The following KCNIP4 variants were observed in gnomAD, a reference collection of about 807,000 sequenced individuals.
The protein encoded by KCNIP4 is potassium voltage-gated channel interacting protein 4.
KCNIP4 carries 12 observed loss-of-function variants against 34.0 expected under a neutral mutation model. The observed-to-expected ratio is 0.35, with a 90% CI of 0.23 to 0.57. The LOEUF (loss-of-function observed/expected upper bound fraction) is 0.57. KCNIP4 is among the 20% of genes least tolerant of loss of function. The pLI is 0.83. For missense variants in KCNIP4, 238 were observed against 311.7 expected (o/e 0.76, Z 1.78); for synonymous variants, 124 against 102.2 (o/e 1.21, Z -1.29).
intron 1 of KCNIP4, among the ~76,000 whole-genome samples, chr4:21,144,379 G>T (rs566968872): frequency 6.6e-6 from 1 of 152,244 alleles, no homozygotes; most frequent in South Asian, 2.1e-4. Context: ...TACATTCAGA[G>T]ATTTCTAAAA....
At chr4:21,780,960 C>T (rs35161937) in intron 1 of KCNIP4, among the ~76,000 whole-genome samples, 13,940 of 152,172 alleles carry the variant, frequency 0.092, 670 homozygotes, top group Middle Eastern at 0.17. Context: ...GGGATCTCTT[C>T]CTCTGTGTTT....
intron 1 of KCNIP4, among the ~76,000 whole-genome samples, chr4:21,282,302 A>G (rs1290731499): frequency 1.3e-5 from 2 of 152,236 alleles, no homozygotes; most frequent in Non-Finnish European, 2.9e-5. Context: ...CTACCAAACT[A>G]TAAGTAGATA....
At chr4:20,784,171 C>A (rs575542808) in intron 3 of KCNIP4, among the ~76,000 whole-genome samples, 55 of 152,164 alleles carry the variant, frequency 3.6e-4, no homozygotes, top group Non-Finnish European at 6.5e-4. Context: ...TTTCTAATTC[C>A]TATCTAGCTT....
At chr4:21,688,329 A>G (rs1750968872) in intron 1 of KCNIP4, among the ~76,000 whole-genome samples, 1 of 152,156 alleles carries the variant, frequency 6.6e-6, no homozygotes, top group Non-Finnish European at 1.5e-5. Flanking sequence ...GGAATGCTGA[A>G]CCAGTATATA....
chr4:21,084,541 G>C (rs909565323), intron 1 of KCNIP4, among the ~76,000 whole-genome samples: 2 of 147,862 alleles, frequency 1.4e-5, no homozygotes, highest in Admixed American at 6.9e-5. Flanking sequence ...TTTACACCCA[G>C]AGTGCCAATC....
intron 1 of KCNIP4, among the ~76,000 whole-genome samples, chr4:21,152,002 T>A (rs922238047): frequency 2.6e-5 from 4 of 152,148 alleles, no homozygotes; most frequent in Non-Finnish European, 5.9e-5. Context: ...CCTATAATCC[T>A]AGCAGTTTTG....
At chr4:21,853,927 C>A (rs1724585421) in intron 1 of KCNIP4, among the ~76,000 whole-genome samples, 1 of 152,150 alleles carries the variant, frequency 6.6e-6, no homozygotes. Flanking sequence ...CTAATGTTGT[C>A]ATTAAGTGCT....
intron 1 of KCNIP4, among the ~76,000 whole-genome samples, chr4:21,699,774 GGATTTA>G (rs2109060728): frequency 6.6e-6 from 1 of 152,186 alleles, no homozygotes; most frequent in Admixed American, 6.5e-5. Context: ...CTGGGGTAAG[GGATTTA>G]GATTTCAGTC....
chr4:20,935,916 T>A (rs1415365861), intron 1 of KCNIP4, among the ~76,000 whole-genome samples: 1 of 151,508 alleles, frequency 6.6e-6, no homozygotes, highest in African/African-American at 2.4e-5. Flanking sequence ...TTCATGAGCA[T>A]CAACAATGTA....
rs377716207 is a variant in KCNIP4, at chr4:21,618,672, G to A, written c.61+329899C>T. ...TTTTGAGAGAGAGTCTCGCTCAGTC[G>A]CCCGGGCTGGAGTGCAGTGGCGTGA... On this transcript the variant is annotated intron_variant, in intron 1 of 8. Transcript: ENST00000382152. Among the ~76,000 whole-genome samples the A allele has an allele frequency of 7.6e-5, 9 of 118,990 alleles. No homozygotes were observed. The East Asian group carries it at 1.3e-3, about 17-fold the overall frequency. 78.1% of individuals were successfully genotyped at this position (118,990 alleles called of 152,430 possible).
intron 1 of KCNIP4, among the ~76,000 whole-genome samples, chr4:21,080,715 ATTTAC>A (rs150960890): frequency 0.23 from 35,295 of 151,484 alleles, 4,261 homozygotes; most frequent in Middle Eastern, 0.32. Context: ...CATTTTATAT[ATTTAC>A]TTTATTTATT....
chr4:20,780,264 A>G (rs2149390825), intron 3 of KCNIP4, among the ~76,000 whole-genome samples: 1 of 152,282 alleles, frequency 6.6e-6, no homozygotes, highest in East Asian at 1.9e-4. Flanking sequence ...GATGTCAGGA[A>G]TTAAGTAGTT....
rs532033248 is a variant in KCNIP4 at position 20,948,901 on chromosome 4, G to A, written c.62-66192C>T. 2.6e-5 allele frequency among the ~76,000 whole-genome samples: 4 copies of A among 152,198 alleles called. No individual in the cohort carries two copies. In the East Asian group the frequency reaches 7.7e-4, roughly 29 times the overall value. On this transcript the variant is annotated intron_variant, in intron 1 of 8. Coordinates refer to ENST00000382152, the MANE Select transcript of KCNIP4 (RefSeq NM_025221.6). ...AATTGGTTCCTTTTTCTCACAAGAAGGAACTTATGGGCCTTTACAGAATAC... is the reference window on the plus strand; with the variant it reads ...AATTGGTTCCTTTTTCTCACAAGAAAGAACTTATGGGCCTTTACAGAATAC...
At chr4:21,463,347 T>C (rs1184657723) in intron 1 of KCNIP4, among the ~76,000 whole-genome samples, 2 of 152,088 alleles carry the variant, frequency 1.3e-5, no homozygotes, top group African/African-American at 4.8e-5. Flanking sequence ...GTCTTTCGCC[T>C]ATTTTTAAAC....
intron 3 of KCNIP4, among the ~76,000 whole-genome samples, chr4:20,798,415 C>T (rs933943020): frequency 5.3e-5 from 8 of 152,190 alleles, no homozygotes; most frequent in Middle Eastern, 6.8e-3. Flanking sequence ...ATTATTTTGG[C>T]TGTCTCACAG....
At chr4:21,477,666 C>T (rs1186369496) in intron 1 of KCNIP4, among the ~76,000 whole-genome samples, 1 of 152,164 alleles carries the variant, frequency 6.6e-6, no homozygotes, top group Non-Finnish European at 1.5e-5. Flanking sequence ...CTTGAAAAAT[C>T]ATTATGCTAG....
chr4:21,780,397 A>T (rs971829512), intron 1 of KCNIP4, among the ~76,000 whole-genome samples: 1 of 152,176 alleles, frequency 6.6e-6, no homozygotes, highest in Admixed American at 6.5e-5. Flanking sequence ...CCCATTCCAT[A>T]TGCTCCTACT....
chr4:20,962,313 C>A (rs1408123412), intron 1 of KCNIP4, among the ~76,000 whole-genome samples: 1 of 152,186 alleles, frequency 6.6e-6, no homozygotes, highest in African/African-American at 2.4e-5. Flanking sequence ...CAGCATCACT[C>A]CCGACTGGGA....
intron 1 of KCNIP4, among the ~76,000 whole-genome samples, chr4:21,735,330 T>C (rs992315313): frequency 2.6e-5 from 4 of 152,060 alleles, no homozygotes; most frequent in Admixed American, 6.6e-5. Flanking sequence ...AAAAATTAAA[T>C]TGGATGAAGT....
Sources: allele counts gnomAD v4.1 joint callset (sites outside exome capture counted in the v4.1 genomes callset), GRCh38; gene constraint gnomAD v4.1.1; transcripts MANE v1.5; gene names NCBI Gene and HGNC (gene_info 2026-07-23, HGNC 2026-07-21).